MYO16: variants seen among roughly 807,000 people sequenced by gnomAD.
The protein encoded by MYO16 is unconventional myosin-XVI.
MYO16 carries 94 observed loss-of-function variants against 205.3 expected under a neutral mutation model. That is an observed-to-expected ratio of 0.46 (90% confidence interval 0.39 to 0.54). The LOEUF (loss-of-function observed/expected upper bound fraction) is 0.54, where lower values mean the gene tolerates loss of function less well. MYO16 is among the 20% of genes least tolerant of loss of function. The pLI, the probability that MYO16 is intolerant of heterozygous loss-of-function variation, is 0.00. For missense variants in MYO16, 2,315 were observed against 2,387.5 expected, an observed-to-expected ratio of 0.97 and a Z score of 0.63; for synonymous variants, 988 against 954.0, an observed-to-expected ratio of 1.04 and a Z score of -0.66.
rs77705235 is a variant in MYO16, at chr13:108,719,843, G to A, written c.363+7112G>A. ...ACTATTTCTTAAGAGTAGTTACTACGTAATTCACCTTTATATATACCTTGC... is the reference window on the plus strand; with the variant it reads ...ACTATTTCTTAAGAGTAGTTACTACATAATTCACCTTTATATATACCTTGC... On this transcript the variant is annotated intron_variant, in intron 3 of 34. Transcript: ENST00000457511. Among the ~76,000 whole-genome samples the A allele has an allele frequency of 7.4e-3, 1,126 of 152,194 alleles. 23 individuals are homozygous for A. The highest frequency in any genetic ancestry group is 0.041 in the East Asian group (213 of 5,174).
chr13:109,199,783 G>T lies in MYO16; in HGVS notation c.5416-6826G>T, dbSNP rs111816737. On this transcript the variant is annotated intron_variant, in intron 34 of 34. Transcript: ENST00000457511. ...ACAAAATCACTATTGCTTTTTTAAT[G>T]ATAATATTTAATTTACTGTGAATAT... is the stretch of plus-strand genomic sequence containing the variant. Among the ~76,000 whole-genome samples the T allele has an allele frequency of 5.4e-3, 826 of 152,174 alleles. 9 individuals are homozygous for T. Among genetic ancestry groups the T allele is most frequent in the African/African-American group, 0.018 (765 of 41,526 alleles).
intron 1 of MYO16, among the ~76,000 whole-genome samples, chr13:108,607,287 A>G (rs915857290): frequency 2.6e-5 from 4 of 152,072 alleles, no homozygotes; most frequent in Non-Finnish European, 5.9e-5. Context: ...CCAGGAGTGG[A>G]ATCATATGGT....
chr13:108,944,641 A>G (rs372948253), intron 16 of MYO16, among the ~76,000 whole-genome samples: 4 of 152,224 alleles, frequency 2.6e-5, no homozygotes, highest in East Asian at 1.9e-4. Flanking sequence ...GGGTGGAAAG[A>G]TAGTATGAGA....
chr13:109,190,216 G>C (rs549621640), intron 34 of MYO16, among the ~76,000 whole-genome samples: 19 of 152,158 alleles, frequency 1.2e-4, no homozygotes, highest in African/African-American at 3.9e-4. Context: ...GTTTAGGTTT[G>C]TTTTTTACAT....
intron 16 of MYO16, among the ~76,000 whole-genome samples, chr13:108,943,912 A>C: frequency 6.6e-6 from 1 of 152,314 alleles, no homozygotes; most frequent in East Asian, 1.9e-4. Context: ...AAAATATGTC[A>C]TTGATTCCAG....
Position 109,099,412 on chromosome 13 carries a change from G to A in MYO16, c.3336-1373G>A, listed in dbSNP as rs575956381. Among the ~76,000 whole-genome samples, 30 of 152,122 alleles carry A rather than the reference G, an allele frequency of 2.0e-4. No homozygotes were observed. The East Asian group carries it at 2.5e-3, about 13-fold the overall frequency. ...TTAAGAATGTATTCCAATATCAAAC[G>A]GCAAATTTCAACAATGCGAAAACCA... On this transcript the variant is annotated intron_variant, in intron 27 of 34. Transcript: ENST00000457511.
chr13:109,132,039 A>G (rs953131426), intron 31 of MYO16, among the ~76,000 whole-genome samples: 1 of 152,252 alleles, frequency 6.6e-6, no homozygotes, highest in Non-Finnish European at 1.5e-5. Flanking sequence ...GCAAGCGCAC[A>G]GCAAAGTTAC....
At chr13:109,062,422 G>T (rs1887621161) in intron 27 of MYO16, among the ~76,000 whole-genome samples, 3 of 152,146 alleles carry the variant, frequency 2.0e-5, no homozygotes, top group Admixed American at 2.0e-4. Context: ...AAAGTACAGT[G>T]AGTAAAAAGG....
In MYO16 at chr13:108,629,756, G is replaced by A. The variant is rs1201263134; in HGVS notation, c.-89G>A. 6.4e-6 allele frequency: 8 copies of A among 1,249,856 alleles called. No individual in the cohort carries two copies. The Middle Eastern group carries it at 5.6e-4, about 88-fold the overall frequency. The allele number at this position is 1,249,856 out of a possible 1,614,324, so 77.4% of individuals were successfully genotyped here. Reference sequence around the variant, plus strand: ...TGAGGTAAACTGTTACCTGAGTAAGGGCTTTAAGTAATGCATTTCCTGGGA... The same window carrying A: ...TGAGGTAAACTGTTACCTGAGTAAGAGCTTTAAGTAATGCATTTCCTGGGA... On this transcript the variant is annotated 5_prime_UTR_variant, in exon 1 of 35. Transcript: ENST00000457511.
chr13:108,740,512 G>T (rs1243902420), intron 4 of MYO16, among the ~76,000 whole-genome samples: 3 of 152,116 alleles, frequency 2.0e-5, no homozygotes, highest in South Asian at 2.1e-4. Flanking sequence ...TCTCAGAGGG[G>T]TACCCAGCCT....
chr13:108,704,127 G>A (rs1299099111), intron 2 of MYO16, among the ~76,000 whole-genome samples: 1 of 152,138 alleles, frequency 6.6e-6, no homozygotes, highest in African/African-American at 2.4e-5. Context: ...AGAACTATGA[G>A]AAAATAAATT....
intron 27 of MYO16, among the ~76,000 whole-genome samples, chr13:109,058,573 T>A (rs1047101299): frequency 1.3e-5 from 2 of 152,210 alleles, no homozygotes; most frequent in Non-Finnish European, 2.9e-5. Context: ...ACCTTAATTT[T>A]AAAATATTTT....
chr13:108,926,557 G>A (rs536529176), intron 16 of MYO16, among the ~76,000 whole-genome samples: 12 of 152,168 alleles, frequency 7.9e-5, no homozygotes, highest in East Asian at 3.9e-4. Context: ...AGAGAGAAAC[G>A]AACACACAGG....
At position 108,964,813 on chromosome 13, in the gene MYO16, C is replaced by T; in HGVS notation, c.2280C>T (p.Asp760=). 1 of 1,614,086 alleles carries T rather than the reference C, an allele frequency of 6.2e-7. No homozygotes were observed. Among genetic ancestry groups the T allele is most frequent in the Non-Finnish European group, 8.5e-7 (1 of 1,179,990 alleles). The change falls in exon 20 of 35, where the codon GAC becomes GAT. Residue 760 remains aspartate, a synonymous_variant. Coordinates refer to ENST00000457511, the MANE Select transcript of MYO16 (RefSeq NM_001198950.3). ...TACAGATTGCTGAGTTTTTCCGAGACCTCTTGGCCAAGTCCCTGTACAGTC... is the reference window on the plus strand; with the variant it reads ...TACAGATTGCTGAGTTTTTCCGAGATCTCTTGGCCAAGTCCCTGTACAGTC... ...HTIQIAEFFR[D]LLAKSLYSRL... is the part of the protein sequence containing the mutation.
intron 5 of MYO16, among the ~76,000 whole-genome samples, chr13:108,791,955 C>T (rs1886629182): frequency 6.6e-6 from 1 of 152,300 alleles, no homozygotes; most frequent in South Asian, 2.1e-4. Context: ...AGATAAGAGA[C>T]AAAGTGCTCA....
chr13:108,738,801 C>T (rs1884795899), intron 4 of MYO16, among the ~76,000 whole-genome samples: 1 of 152,138 alleles, frequency 6.6e-6, no homozygotes, highest in Non-Finnish European at 1.5e-5. Context: ...TAAGGACTTG[C>T]TTTATGAATC....
chr13:108,580,126 G>T, the MYO16 span, among the ~76,000 whole-genome samples: 1 of 152,084 alleles, frequency 6.6e-6, no homozygotes, highest in Non-Finnish European at 1.5e-5. Context: ...GTCAATAAAA[G>T]AGTTCTAATT....
At position 108,910,155 on chromosome 13, in the gene MYO16, G is replaced by C; in HGVS notation, c.1925+5G>C. ...TAATAATTTATGTGCACACCGGTGA[G>C]TGACTAAGTATTTTGTATCTAAAAG... On this transcript the variant is annotated splice_donor_5th_base_variant and intron_variant, in intron 16 of 34. Transcript: ENST00000457511. The C allele has an allele frequency of 6.2e-7, 1 of 1,609,882 alleles. No individual in the cohort carries two copies. Among genetic ancestry groups the C allele is most frequent in the Non-Finnish European group, 8.5e-7 (1 of 1,177,592 alleles).
chr13:108,816,464 G>C (rs938905580), intron 7 of MYO16, among the ~76,000 whole-genome samples: 8 of 151,650 alleles, frequency 5.3e-5, no homozygotes, highest in African/African-American at 1.9e-4. Context: ...CTGCTTCTCT[G>C]TAAGGTCTGT....
Sources: allele counts gnomAD v4.1 joint callset (sites outside exome capture counted in the v4.1 genomes callset), GRCh38; gene constraint gnomAD v4.1.1; transcripts MANE v1.5; gene names NCBI Gene and HGNC (gene_info 2026-07-23, HGNC 2026-07-21).